The following RNF123 variants were observed in gnomAD, a reference collection of about 807,000 sequenced individuals.
RNF123 encodes the protein ring finger protein 123.
A neutral mutation model predicts 168.5 loss-of-function variants in RNF123; 86 were observed. The observed-to-expected ratio is 0.51, with a 90% CI of 0.43 to 0.61. The LOEUF (loss-of-function observed/expected upper bound fraction) is 0.61. Among genes scored for constraint, RNF123 ranks in the 20% least tolerant of loss-of-function variants. The pLI is 0.00. For synonymous variants in RNF123, 666 were observed against 689.1 expected (o/e 0.97, Z 0.52); for missense variants, 1,419 against 1,729.7 (o/e 0.82, Z 3.19).
In RNF123 at chr3:49,701,503, C is replaced by G. The variant is rs752309667; in HGVS notation, c.1290C>G (p.Leu430=). Residue 430 remains leucine (L), a synonymous_variant, in exon 16 of 39, where the codon CTC becomes CTG. Coordinates refer to ENST00000327697, the MANE Select transcript of RNF123 (RefSeq NM_022064.5). ...TGACACCCGCCAGCTTCGACGTGCT[C>G]CGCTCCGTCGTCTTCTTTTACATCA... ...FLLSNVLFDV[L]RSVVFFYIKS... is the part of the protein sequence containing the mutation. 6.2e-7 allele frequency: 1 copy of G among 1,613,604 alleles called. No homozygotes were observed. The highest frequency in any genetic ancestry group is 8.5e-7 in the Non-Finnish European group (1 of 1,179,892).
At chr3:49,694,689 C>T (rs2054233471) in intron 3 of RNF123, among the ~76,000 whole-genome samples, 1 of 152,230 alleles carries the variant, frequency 6.6e-6, no homozygotes, top group East Asian at 1.9e-4. Context: ...GCCCTTTAGG[C>T]AGGTCCAAAA....
rs563208280 is a variant in RNF123 at position 49,704,162 on chromosome 3, C to T, written c.1853-488C>T. Among the ~76,000 whole-genome samples the T allele has an allele frequency of 1.2e-4, 19 of 152,070 alleles. No homozygotes were observed. The East Asian group carries it at 1.9e-3, about 16-fold the overall frequency. On this transcript the variant is annotated intron_variant, in intron 21 of 38. Transcript: ENST00000327697. ...CGTTTAGCGGGGAGCAAGGCCTGGG[C>T]GGGGGGCAGCGAAGGCGGGGTCAGT... is the stretch of plus-strand genomic sequence containing the variant.
In RNF123 at chr3:49,698,966, A is replaced by C. The variant is rs1438845742; in HGVS notation, c.639-14A>C. The C allele has an allele frequency of 6.2e-7, 1 of 1,613,362 alleles. No homozygotes were observed. Among genetic ancestry groups the C allele is most frequent in the Non-Finnish European group, 8.5e-7 (1 of 1,179,720 alleles). ...ATGCTTAGCACTGGCTCACAGACCC[A>C]CCCTTCTCCCCAGGAACGGTGTATC... is the stretch of plus-strand genomic sequence containing the variant. On this transcript the variant is annotated splice_polypyrimidine_tract_variant and intron_variant, in intron 9 of 38. Coordinates refer to ENST00000327697, the MANE Select transcript of RNF123 (RefSeq NM_022064.5).
At chr3:49,707,755 C>T (rs11709680) in intron 26 of RNF123, among the ~76,000 whole-genome samples, 79,033 of 151,508 alleles carry the variant, frequency 0.52, 21,497 homozygotes, top group East Asian at 0.82. Flanking sequence ...TTTTCCCATT[C>T]GTGACTCTCC....
At chr3:49,719,389 A>T (rs1436807490) in intron 35 of RNF123, 2 of 1,613,542 alleles carry the variant, frequency 1.2e-6, no homozygotes, top group East Asian at 4.5e-5. Context: ...ACGGGGCGGG[A>T]AACCCTCGGA....
At chr3:49,697,018 A>T in intron 3 of RNF123, 125 bp from the exon 4 acceptor site, 1 of 793,560 alleles carries the variant, frequency 1.3e-6, no homozygotes, top group Non-Finnish European at 2.2e-6. Context: ...GTCTAGGACT[A>T]GGCACAGCCC....
Position 49,709,079 on chromosome 3 carries a change from C to T in RNF123, c.2496+2181C>T, listed in dbSNP as rs575486916. On this transcript the variant is annotated intron_variant, in intron 26 of 38. Transcript: ENST00000327697. ...CAAGTGTTCTCCTGCCTCAGCCTCCCGAGTAGCTGGGACTACAGGTGCGCA... is the reference window on the plus strand; with the variant it reads ...CAAGTGTTCTCCTGCCTCAGCCTCCTGAGTAGCTGGGACTACAGGTGCGCA... 1.1e-4 allele frequency among the ~76,000 whole-genome samples: 16 copies of T among 149,212 alleles called. No homozygotes were observed. In the South Asian group the frequency reaches 2.5e-3, roughly 24 times the overall value.
intron 18 of RNF123, 89 bp downstream of exon 18, chr3:49,702,233 G>A (rs1414082618): frequency 6.3e-7 from 1 of 1,583,428 alleles, no homozygotes; most frequent in Non-Finnish European, 8.7e-7. Flanking sequence ...AACTGGGTTT[G>A]GTTCCCATGG....
chr3:49,702,245 A>G, intron 18 of RNF123, 89 bp from the exon 19 acceptor site: 1 of 1,585,944 alleles, frequency 6.3e-7, no homozygotes, highest in South Asian at 1.1e-5. Flanking sequence ...TTCCCATGGC[A>G]GGGGCTGGGG....
At position 49,699,828 on chromosome 3, in the gene RNF123, C is replaced by A; in HGVS notation, c.984+56C>A. On this transcript the variant is annotated intron_variant, in intron 12 of 38. Coordinates refer to ENST00000327697, the MANE Select transcript of RNF123 (RefSeq NM_022064.5). The surrounding 1 kb of genome is among the most constrained non-coding windows in gnomAD (Gnocchi z 4.8). ...GAGGAGACAGGCCATGCTAGACACG[C>A]CCGTGGTAGATGTGCCCTCACTGAG... 6.5e-7 allele frequency: 1 copy of A among 1,545,782 alleles called. No individual in the cohort carries two copies.
chr3:49,714,274 C>T (rs1418131923), intron 31 of RNF123, 100 bp downstream of exon 31: 1 of 1,083,912 alleles, frequency 9.2e-7, no homozygotes, highest in Admixed American at 1.9e-5. Context: ...CAGCCCCTCT[C>T]TGGTTCCCCC....
chr3:49,709,666 C>T (rs2080104909), intron 26 of RNF123, among the ~76,000 whole-genome samples: 2 of 149,272 alleles, frequency 1.3e-5, no homozygotes, highest in African/African-American at 5.0e-5. Context: ...CTTGAACTCC[C>T]GACCTCAGGT....
chr3:49,697,524 A>AT (rs2054292969), intron 5 of RNF123, 67 bp downstream of exon 5: 2 of 1,276,854 alleles, frequency 1.6e-6, no homozygotes, highest in Admixed American at 4.9e-5. Flanking sequence ...GCTCCTCCTG[A>AT]TGTGGCCCTA....
At chr3:49,702,889 C>A in intron 20 of RNF123, 136 bp downstream of exon 20, 1 of 1,348,704 alleles carries the variant, frequency 7.4e-7, no homozygotes, top group Non-Finnish European at 1.0e-6. Context: ...CTGGTTGAGT[C>A]CTACCCAGCC....
intron 35 of RNF123, chr3:49,717,926 C>T (rs751097659): frequency 6.3e-7 from 1 of 1,594,732 alleles, no homozygotes. Context: ...AGGGTGGGGG[C>T]CTGGGTGGGG....
At chr3:49,711,327 C>G (rs2080141424) in intron 26 of RNF123, among the ~76,000 whole-genome samples, 1 of 152,200 alleles carries the variant, frequency 6.6e-6, no homozygotes, top group Non-Finnish European at 1.5e-5. Context: ...CCTTCTTTCT[C>G]TGTCTTAGCT....
intron 25 of RNF123, among the ~76,000 whole-genome samples, 168 bp from the exon 26 acceptor site, chr3:49,706,623 G>A (rs1437331254): frequency 2.0e-5 from 3 of 152,234 alleles, no homozygotes; most frequent in Non-Finnish European, 2.9e-5. Context: ...TCTGAGGCTG[G>A]CTCAGGGTCA....
rs751803522 is a variant in RNF123, at chr3:49,698,561, T to C, written c.570+35T>C. On this transcript the variant is annotated intron_variant, in intron 8 of 38. Coordinates refer to ENST00000327697, the MANE Select transcript of RNF123 (RefSeq NM_022064.5). ...AAGCCCCTGTGGGTCATCCGCCCCA[T>C]GACTGTTACTACAGCTTATTTGGAG... 3 of 1,605,686 alleles carry C rather than the reference T, an allele frequency of 1.9e-6. No homozygotes were observed. The East Asian group carries it at 6.7e-5, about 36-fold the overall frequency.
Position 49,721,365 on chromosome 3 carries a change from C to CTAT in RNF123, c.*62_*64dup, listed in dbSNP as rs1289515226. ...TTTGAACCCAGAGCCAGGCTGGGCC[C>CTAT]TATTTATGAGCTCCCTTTGCCCTTC... On this transcript the variant is annotated 3_prime_UTR_variant, in exon 39 of 39. Coordinates refer to ENST00000327697, the MANE Select transcript of RNF123 (RefSeq NM_022064.5). The CTAT allele has an allele frequency of 9.3e-6, 15 of 1,610,060 alleles. No individual in the cohort carries two copies. Among genetic ancestry groups the CTAT allele is most frequent in the Non-Finnish European group, 1.3e-5 (15 of 1,176,640 alleles).
Sources: allele counts gnomAD v4.1 joint callset (sites outside exome capture counted in the v4.1 genomes callset), GRCh38; gene constraint gnomAD v4.1.1; non-coding constraint Gnocchi (gnomAD v3.1); transcripts MANE v1.5; gene names NCBI Gene and HGNC (gene_info 2026-07-23, HGNC 2026-07-21).